CDH18: variants seen among roughly 807,000 people sequenced by gnomAD.
CDH18 encodes cadherin-18.
CDH18 carries 31 observed loss-of-function variants against 67.9 expected under a neutral mutation model. The observed-to-expected ratio is 0.46, with a 90% CI of 0.34 to 0.62. CDH18 has a LOEUF of 0.62. CDH18 is among the 20% of genes least tolerant of loss of function. CDH18 has a pLI of 0.01. For missense variants in CDH18, 890 were observed against 975.5 expected (o/e 0.91, Z 1.17); for synonymous variants, 362 against 347.2 (o/e 1.04, Z -0.48).
intron 2 of CDH18, among the ~76,000 whole-genome samples, chr5:19,856,814 C>A (rs186690478): frequency 6.6e-6 from 1 of 152,208 alleles, no homozygotes; most frequent in African/African-American, 2.4e-5. Flanking sequence ...AAATAAATTT[C>A]TGTTGTTTCG....
At chr5:19,983,503 T>C (rs74621599) in intron 1 of CDH18, among the ~76,000 whole-genome samples, 1,848 of 152,330 alleles carry the variant, frequency 0.012, 54 homozygotes, top group African/African-American at 0.042. Flanking sequence ...AGTCCTGGCA[T>C]TGAAGGACGT....
chr5:19,669,650 G>A (rs768233334), intron 5 of CDH18, among the ~76,000 whole-genome samples: 1 of 152,072 alleles, frequency 6.6e-6, no homozygotes, highest in Non-Finnish European at 1.5e-5. Flanking sequence ...TTTGTTACTG[G>A]AAAATTTAGT....
At chr5:20,257,950 CA>C (rs1744369226) in intron 1 of CDH18, among the ~76,000 whole-genome samples, 1 of 152,066 alleles carries the variant, frequency 6.6e-6, no homozygotes, top group African/African-American at 2.4e-5. Flanking sequence ...TTAAAATATA[CA>C]CGTAGTTGTA....
At chr5:20,547,167 A>C (rs1392622972) in intron 1 of CDH18, among the ~76,000 whole-genome samples, 1 of 152,206 alleles carries the variant, frequency 6.6e-6, no homozygotes, top group East Asian at 1.9e-4. Context: ...TTATGTTAGA[A>C]AGTGAGATTT....
intron 2 of CDH18, among the ~76,000 whole-genome samples, chr5:19,867,486 T>C (rs927917940): frequency 6.6e-6 from 1 of 152,198 alleles, no homozygotes; most frequent in African/African-American, 2.4e-5. Flanking sequence ...TCAGAAAAAG[T>C]GGCATTTGCT....
At chr5:20,433,936 G>A (rs984315612) in intron 1 of CDH18, among the ~76,000 whole-genome samples, 21 of 152,160 alleles carry the variant, frequency 1.4e-4, no homozygotes, top group Middle Eastern at 6.9e-3. Flanking sequence ...CGTCATAAAC[G>A]AGGAGTCTAA....
chr5:20,394,756 T>A (rs1298272325), intron 1 of CDH18, among the ~76,000 whole-genome samples: 1 of 151,602 alleles, frequency 6.6e-6, no homozygotes, highest in African/African-American at 2.4e-5. Flanking sequence ...AATAATCCTA[T>A]GAAAAAGTGG....
intron 4 of CDH18, among the ~76,000 whole-genome samples, chr5:19,745,613 A>G (rs1198150242): frequency 6.6e-6 from 1 of 152,186 alleles, no homozygotes; most frequent in East Asian, 1.9e-4. Context: ...CAGGGTTAAA[A>G]AATGCTGAAG....
chr5:20,192,324 T>C (rs1312492318), intron 2 of CDH18, among the ~76,000 whole-genome samples: 1 of 152,134 alleles, frequency 6.6e-6, no homozygotes, highest in Non-Finnish European at 1.5e-5. Flanking sequence ...TGATGACAGC[T>C]TATTTTGCTG....
chr5:20,255,109 G>C (rs1320666719), intron 2 of CDH18, among the ~76,000 whole-genome samples: 1 of 152,056 alleles, frequency 6.6e-6, no homozygotes, highest in African/African-American at 2.4e-5. Flanking sequence ...GGGAACAAAA[G>C]ACATGGAAGA....
At chr5:19,642,529 T>C (rs1301456197) in intron 5 of CDH18, among the ~76,000 whole-genome samples, 1 of 152,048 alleles carries the variant, frequency 6.6e-6, no homozygotes, top group African/African-American at 2.4e-5. Context: ...TTCAGTGATC[T>C]ACGGCTATCT....
intron 2 of CDH18, among the ~76,000 whole-genome samples, chr5:20,247,415 A>G (rs1743465027): frequency 6.6e-6 from 1 of 152,210 alleles, no homozygotes; most frequent in South Asian, 2.1e-4. Flanking sequence ...ATGGTTAGTT[A>G]ACTACAGTTG....
chr5:19,704,238 T>C (rs1763653755), intron 5 of CDH18, among the ~76,000 whole-genome samples: 1 of 152,172 alleles, frequency 6.6e-6, no homozygotes, highest in Admixed American at 6.5e-5. Context: ...GACATTTCAA[T>C]CATTTCTCTT....
chr5:20,194,256 T>G lies in CDH18; in HGVS notation c.-518+61188A>C, dbSNP rs948269401. Among the ~76,000 whole-genome samples, 8 of 152,090 alleles carry G rather than the reference T, an allele frequency of 5.3e-5. No homozygotes were observed. The East Asian group carries it at 1.5e-3, about 29-fold the overall frequency. ...CCCAAAACTCCTTGTGATAAGCAAC[T>G]TCAGCAAAGTCTCAGGATACAAAAT... On this transcript the variant is annotated intron_variant, in intron 2 of 14. Coordinates refer to the CDH18 transcript ENST00000507958.
At chr5:19,879,594 A>C (rs1787398247) in intron 2 of CDH18, among the ~76,000 whole-genome samples, 1 of 152,000 alleles carries the variant, frequency 6.6e-6, no homozygotes, top group African/African-American at 2.4e-5. Context: ...AGTAGATATA[A>C]AGTATTCATT....
chr5:20,251,553 A>G (rs1743859871), intron 2 of CDH18, among the ~76,000 whole-genome samples: 1 of 152,222 alleles, frequency 6.6e-6, no homozygotes, highest in Admixed American at 6.5e-5. Context: ...TTCTGAGCCT[A>G]TGTAATAGAA....
rs145609778 is a variant in CDH18, at chr5:19,946,871, C to T, written c.-257+34189G>A. ...AAGTATTATGCAATTAATTCAGCAA[C>T]GTATAAAATTTACATCGGTCAAGTG... On this transcript the variant is annotated intron_variant, in intron 2 of 12. Transcript: ENST00000382275. 9.6e-4 allele frequency among the ~76,000 whole-genome samples: 146 copies of T among 152,138 alleles called. 1 individual carries two copies. In the East Asian group the frequency reaches 0.014, roughly 14 times the overall value.
intron 5 of CDH18, among the ~76,000 whole-genome samples, chr5:19,619,985 A>T (rs1290918960): frequency 6.6e-6 from 1 of 152,186 alleles, no homozygotes; most frequent in Non-Finnish European, 1.5e-5. Context: ...CTCAGATTTT[A>T]TTTTACTTAT....
intron 2 of CDH18, among the ~76,000 whole-genome samples, chr5:19,847,780 G>T (rs968475318): frequency 1.3e-4 from 7 of 53,908 alleles, no homozygotes; most frequent in Non-Finnish European, 5.1e-4. Flanking sequence ...AACTTTCTCT[G>T]TAGACATGTC....
Sources: gnomAD v4.1 joint callset for allele counts (sites outside exome capture counted in the v4.1 genomes callset) on GRCh38, gnomAD v4.1.1 for gene constraint, MANE v1.5 for transcripts, NCBI Gene and HGNC (gene_info 2026-07-23, HGNC 2026-07-21) for gene names.